Variants in ARHGAP18 observed in about 807,000 individuals in gnomAD.
ARHGAP18 encodes Rho GTPase activating protein 18.
Under a neutral mutation model 86.2 loss-of-function variants are expected in ARHGAP18, and 67 were observed. The ratio of observed to expected loss-of-function variants is 0.78; its 90% CI spans 0.64 to 0.95. ARHGAP18 has a LOEUF of 0.95. Ranked by LOEUF, ARHGAP18 falls within the 40% of genes least tolerant of loss-of-function variation. The pLI, the probability that ARHGAP18 is intolerant of heterozygous loss-of-function variation, is 0.00. For synonymous variants in ARHGAP18, 283 were observed against 280.4 expected (o/e 1.01, Z -0.09); for missense variants, 691 against 780.4 (o/e 0.89, Z 1.37).
intron 1 of ARHGAP18, among the ~76,000 whole-genome samples, chr6:129,648,895 C>T (rs1299876731): frequency 1.3e-5 from 2 of 152,146 alleles, no homozygotes; most frequent in African/African-American, 2.4e-5. Flanking sequence ...CTATGAAGAG[C>T]TGCAGCCTAC....
intron 12 of ARHGAP18, among the ~76,000 whole-genome samples, chr6:129,585,321 A>G (rs970121284): frequency 6.6e-6 from 1 of 152,244 alleles, no homozygotes; most frequent in East Asian, 1.9e-4. Context: ...TAAAATAAAC[A>G]TTGAGCAGAG....
At chr6:129,709,573 A>G (rs111647446) in intron 1 of ARHGAP18, among the ~76,000 whole-genome samples, 59 of 147,528 alleles carry the variant, frequency 4.0e-4, no homozygotes, top group East Asian at 2.5e-3. Context: ...GAGAGGGGGG[A>G]AAAAAAACAC....
At chr6:129,612,436 CCACTCTCATTTCA>C (rs1214782096) in intron 7 of ARHGAP18, among the ~76,000 whole-genome samples, 1 of 152,072 alleles carries the variant, frequency 6.6e-6, no homozygotes, top group Non-Finnish European at 1.5e-5. Context: ...TCCCTGGCAC[CCACTCTCATTTCA>C]CAATTGCCTT....
chr6:129,679,553 C>T (rs1439880092), intron 1 of ARHGAP18, among the ~76,000 whole-genome samples: 1 of 152,196 alleles, frequency 6.6e-6, no homozygotes, highest in Non-Finnish European at 1.5e-5. Flanking sequence ...GGAATACAGA[C>T]AAACACACAT....
chr6:129,671,139 A>C (rs1020447670), intron 1 of ARHGAP18, among the ~76,000 whole-genome samples: 7 of 152,188 alleles, frequency 4.6e-5, no homozygotes, highest in Non-Finnish European at 8.8e-5. Flanking sequence ...AGTAAAGTTC[A>C]AGTAATTTAT....
At chr6:129,621,643 G>T (rs1789231527) in intron 5 of ARHGAP18, among the ~76,000 whole-genome samples, 1 of 152,100 alleles carries the variant, frequency 6.6e-6, no homozygotes, top group Non-Finnish European at 1.5e-5. Context: ...AAGATCAAAT[G>T]ATAAATAGCA....
At chr6:129,665,546 T>C (rs1309508211) in intron 1 of ARHGAP18, among the ~76,000 whole-genome samples, 2 of 151,980 alleles carry the variant, frequency 1.3e-5, no homozygotes, top group Non-Finnish European at 2.9e-5. Context: ...CCAGATCCTG[T>C]CTCCAAAAAA....
At chr6:129,670,725 A>G (rs6569618) in intron 1 of ARHGAP18, among the ~76,000 whole-genome samples, 9 of 146,124 alleles carry the variant, frequency 6.2e-5, no homozygotes, top group African/African-American at 2.0e-4. Context: ...CCCCACCAAG[A>G]CTTTCTCAGC....
rs1465867409 is a variant in ARHGAP18 at position 129,625,419 on chromosome 6, A to T, written c.786+3934T>A. Among the ~76,000 whole-genome samples, 13 of 27,056 alleles carry T rather than the reference A, an allele frequency of 4.8e-4. 1 individual carries two copies. The highest frequency in any genetic ancestry group is 2.2e-3 in the African/African-American group (9 of 4,070). The allele number at this position is 27,056 out of a possible 152,430, so 17.7% of individuals were successfully genotyped here. A position where few individuals can be genotyped will look rare whatever the true frequency, so the allele number is the denominator to read the frequency against. Reference sequence around the variant, plus strand: ...TACATATGTATTATATATTATATATAATATATATTATATATAATATATATT... The same window carrying T: ...TACATATGTATTATATATTATATATTATATATATTATATATAATATATATT... On this transcript the variant is annotated intron_variant, in intron 5 of 14. Transcript: ENST00000368149.
At chr6:129,692,857 A>C (rs1381537538) in intron 1 of ARHGAP18, among the ~76,000 whole-genome samples, 1 of 152,224 alleles carries the variant, frequency 6.6e-6, no homozygotes, top group Non-Finnish European at 1.5e-5. Flanking sequence ...TAATATTTAT[A>C]AACCAAGAAA....
At chr6:129,659,527 A>C (rs952258599) in intron 1 of ARHGAP18, among the ~76,000 whole-genome samples, 11 of 152,014 alleles carry the variant, frequency 7.2e-5, no homozygotes, top group Admixed American at 6.6e-5. Flanking sequence ...GAGTGCAATG[A>C]CACAATCTCG....
intron 1 of ARHGAP18, among the ~76,000 whole-genome samples, chr6:129,688,522 G>A (rs115313355): frequency 0.1 from 15,613 of 152,192 alleles, 842 homozygotes; most frequent in Admixed American, 0.14. Context: ...GCTGGGTGCC[G>A]TGGCTCATGC....
intron 1 of ARHGAP18, among the ~76,000 whole-genome samples, chr6:129,652,304 T>C (rs975871388): frequency 6.6e-6 from 1 of 152,238 alleles, no homozygotes; most frequent in African/African-American, 2.4e-5. Context: ...ACAGCAATCA[T>C]GTAGCTTCAG....
intron 5 of ARHGAP18, 81 bp downstream of exon 5, chr6:129,629,272 C>T (rs911257419): frequency 1.6e-4 from 175 of 1,090,530 alleles, no homozygotes; most frequent in African/African-American, 9.1e-4. Flanking sequence ...TGTGTGTGTG[C>T]GTGTGTGTGT....
intron 1 of ARHGAP18, among the ~76,000 whole-genome samples, chr6:129,661,386 T>C (rs1773948363): frequency 6.7e-6 from 1 of 150,170 alleles, no homozygotes; most frequent in Admixed American, 6.6e-5. Flanking sequence ...AAAGTTAATA[T>C]ATGGGATGAT....
chr6:129,683,065 T>G (rs904042295), intron 1 of ARHGAP18, among the ~76,000 whole-genome samples: 34 of 150,990 alleles, frequency 2.3e-4, no homozygotes, highest in African/African-American at 6.6e-4. Context: ...CTTTTTTTTT[T>G]TTTGTTTTTT....
At chr6:129,590,795 G>C (rs1412878459) in intron 12 of ARHGAP18, among the ~76,000 whole-genome samples, 1 of 152,140 alleles carries the variant, frequency 6.6e-6, no homozygotes, top group Non-Finnish European at 1.5e-5. Context: ...ACGGCAGGGA[G>C]AGAGAGTGTG....
intron 1 of ARHGAP18, among the ~76,000 whole-genome samples, chr6:129,657,866 T>A (rs1773871780): frequency 6.6e-6 from 1 of 152,246 alleles, no homozygotes; most frequent in African/African-American, 2.4e-5. Context: ...GACCGACATT[T>A]ATTAGCTGCC....
Position 129,654,876 on chromosome 6 carries a change from C to G in ARHGAP18, c.114-12858G>C, listed in dbSNP as rs1353762220. 5.3e-5 allele frequency among the ~76,000 whole-genome samples: 8 copies of G among 152,322 alleles called. 1 individual carries two copies. In the South Asian group the frequency reaches 8.3e-4, roughly 16 times the overall value. ...ACTTTCCTGAGCCCTAAATTCTGCA[C>G]CGGCCAAGGCTCCCAGGACCTCGAC... On this transcript the variant is annotated intron_variant, in intron 1 of 14. Coordinates refer to ENST00000368149, the MANE Select transcript of ARHGAP18 (RefSeq NM_033515.3).
Sources: gnomAD v4.1 joint callset for allele counts (sites outside exome capture counted in the v4.1 genomes callset) on GRCh38, gnomAD v4.1.1 for gene constraint, MANE v1.5 for transcripts, NCBI Gene and HGNC (gene_info 2026-07-23, HGNC 2026-07-21) for gene names.